Variants in WEE2 observed in about 807,000 individuals in gnomAD.
WEE2 encodes WEE2 oocyte meiosis inhibiting kinase.
In WEE2, 50 loss-of-function variants were observed where a neutral mutation model predicts 60.1. The observed-to-expected ratio is 0.83, with a 90% CI of 0.66 to 1.05. The LOEUF is 1.05. Ranked by LOEUF, WEE2 falls within the 50% of genes least tolerant of loss-of-function variation. The pLI is 0.00. For missense variants in WEE2, 631 were observed against 684.3 expected (o/e 0.92, Z 0.87); for synonymous variants, 240 against 241.0 (o/e 1.00, Z 0.04).
rs1798654870 is a variant in WEE2 at position 141,708,464 on chromosome 7, C to G, written c.-295C>G. On this transcript the variant is annotated 5_prime_UTR_variant, in exon 1 of 12. Coordinates refer to ENST00000397541, the MANE Select transcript of WEE2 (RefSeq NM_001105558.1). ...CTAGTATTTGGTAACACATGGGAGA[C>G]TATGTGTCATATCCAGAAGAGTTCT... 2 of 385,088 alleles carry G rather than the reference C, an allele frequency of 5.2e-6. No individual in the cohort carries two copies. The highest frequency in any genetic ancestry group is 4.0e-5 in the African/African-American group (2 of 49,878). The allele number at this position is 385,088 out of a possible 1,614,324, so 23.9% of individuals were successfully genotyped here. A position where few individuals can be genotyped will look rare whatever the true frequency, so the allele number is the denominator to read the frequency against.
At chr7:141,727,173 T>C (rs1245550206) in intron 9 of WEE2, 131 bp from the exon 10 acceptor site, 2 of 941,974 alleles carry the variant, frequency 2.1e-6, no homozygotes, top group African/African-American at 1.7e-5. Context: ...TTCATTTCTT[T>C]CCTCTGCACA....
Position 141,724,318 on chromosome 7 carries a change from C to T in WEE2, c.1221+43C>T. ...GGAGGGTATTTTATAATCTGTTGAA[C>T]CTTTGACTCTCAAATGGAGGATCTC... On this transcript the variant is annotated intron_variant, in intron 8 of 11. Coordinates refer to ENST00000397541, the MANE Select transcript of WEE2 (RefSeq NM_001105558.1). 4 of 1,525,922 alleles carry T rather than the reference C, an allele frequency of 2.6e-6. No individual in the cohort carries two copies. The South Asian group carries it at 3.6e-5, about 14-fold the overall frequency. The allele number at this position is 1,525,922 out of a possible 1,614,324, so 94.5% of individuals were successfully genotyped here.
chr7:141,726,508 T>C (rs923042822), intron 9 of WEE2, among the ~76,000 whole-genome samples: 1 of 152,220 alleles, frequency 6.6e-6, no homozygotes, highest in Admixed American at 6.5e-5. Flanking sequence ...TTTGCTTTCC[T>C]GAAAGGAGGC....
chr7:141,722,419 A>C (rs556896564), intron 5 of WEE2, among the ~76,000 whole-genome samples: 93 of 152,278 alleles, frequency 6.1e-4, no homozygotes, highest in African/African-American at 2.1e-3. Flanking sequence ...AAAAAGAAAA[A>C]GTGTTCAGAA....
chr7:141,724,892 G>C lies in WEE2; in HGVS notation c.1222-134G>C. 5.0e-6 allele frequency: 5 copies of C among 996,552 alleles called. No homozygotes were observed. The South Asian group carries it at 8.3e-5, about 17-fold the overall frequency. The allele number at this position is 996,552 out of a possible 1,614,324, so 61.7% of individuals were successfully genotyped here. A position where few individuals can be genotyped will look rare whatever the true frequency, so the allele number is the denominator to read the frequency against. ...TCTTCTCTAGAAATCACTAACTACA[G>C]CGAATGTATCTTTGACCGTCGTGTC... On this transcript the variant is annotated intron_variant, in intron 8 of 11. Coordinates refer to ENST00000397541, the MANE Select transcript of WEE2 (RefSeq NM_001105558.1).
intron 1 of WEE2, among the ~76,000 whole-genome samples, chr7:141,709,778 G>A (rs1798683610): frequency 6.6e-6 from 1 of 152,158 alleles, no homozygotes; most frequent in Non-Finnish European, 1.5e-5. Flanking sequence ...AGAGTCCCTA[G>A]TAGCATATTC....
At chr7:141,722,258 A>G (rs1427421608) in intron 5 of WEE2, among the ~76,000 whole-genome samples, 1 of 152,200 alleles carries the variant, frequency 6.6e-6, no homozygotes, top group Non-Finnish European at 1.5e-5. Flanking sequence ...TACAAAAATT[A>G]GCCAGGTGTG....
chr7:141,730,004 A>C (rs796628716), intron 11 of WEE2, among the ~76,000 whole-genome samples: 5 of 151,708 alleles, frequency 3.3e-5, no homozygotes, highest in African/African-American at 9.7e-5. Context: ...AAAAAAAAAA[A>C]AAAAAACTCA....
chr7:141,720,438 T>C (rs1239697118), intron 4 of WEE2, among the ~76,000 whole-genome samples: 1 of 152,224 alleles, frequency 6.6e-6, no homozygotes, highest in African/African-American at 2.4e-5. Context: ...GTATATCATA[T>C]TGGCTGAGGC....
rs796535316 is a variant in WEE2 at position 141,722,983 on chromosome 7, T to C, written c.881-151T>C. The C allele has an allele frequency of 3.2e-6, 3 of 935,138 alleles. No individual in the cohort carries two copies. In the African/African-American group the frequency reaches 5.0e-5, roughly 16 times the overall value. The allele number at this position is 935,138 out of a possible 1,614,324, so 57.9% of individuals were successfully genotyped here. ...ATGTATTGATCAGAGTACTATGCCA[T>C]TTTATACAAGGCTCTTGGGCATTTG... On this transcript the variant is annotated intron_variant, in intron 5 of 11. Transcript: ENST00000397541.
intron 10 of WEE2, 177 bp downstream of exon 10, chr7:141,727,623 G>A: frequency 1.4e-6 from 1 of 705,488 alleles, no homozygotes; most frequent in Middle Eastern, 4.3e-4. Context: ...ATCGGGCTGG[G>A]AGGCTCTGTG....
chr7:141,709,212 T>A (rs1798672813), intron 1 of WEE2, 112 bp downstream of exon 1: 1 of 731,934 alleles, frequency 1.4e-6, no homozygotes, highest in African/African-American at 1.8e-5. Context: ...AGGCTGTGTA[T>A]ATCCTCAATT....
chr7:141,713,791 T>C (rs919733885), intron 1 of WEE2, among the ~76,000 whole-genome samples: 1 of 152,208 alleles, frequency 6.6e-6, no homozygotes, highest in Non-Finnish European at 1.5e-5. Flanking sequence ...ATCTGCTACA[T>C]AGTAGGCACC....
At chr7:141,720,035 G>C (rs1798879620) in intron 4 of WEE2, among the ~76,000 whole-genome samples, 1 of 151,426 alleles carries the variant, frequency 6.6e-6, no homozygotes, top group Non-Finnish European at 1.5e-5. Context: ...TTAATCACAA[G>C]GAAAACACAT....
intron 3 of WEE2, among the ~76,000 whole-genome samples, chr7:141,716,962 T>C (rs749261555): frequency 1.3e-5 from 2 of 152,196 alleles, no homozygotes; most frequent in Non-Finnish European, 2.9e-5. Flanking sequence ...GAGATGTTTA[T>C]TGTAACAGCA....
Position 141,720,970 on chromosome 7 carries a change from T to C in WEE2, c.794T>C (p.Val265Ala), listed in dbSNP as rs766155891. The change falls in exon 5 of 12, where the codon GTG becomes GCG. Residue 265 changes from valine to alanine, a missense_variant. By Grantham distance (64) the Val-to-Ala change is moderately conservative. Transcript: ENST00000397541. ...TTGCATGAAGTTTATGCTCACGCAGTGCTTGGGCATCACCCCCATGTGGTA... is the reference window on the plus strand; with the variant it reads ...TTGCATGAAGTTTATGCTCACGCAGCGCTTGGGCATCACCCCCATGTGGTA... ...SALHEVYAHAVLGHHPHVVRY... is the reference protein window; with the variant it reads ...SALHEVYAHAALGHHPHVVRY... 5 of 1,614,124 alleles carry C rather than the reference T, an allele frequency of 3.1e-6. No homozygotes were observed. Among genetic ancestry groups the C allele is most frequent in the Admixed American group, 1.7e-5 (1 of 60,030 alleles).
chr7:141,712,911 T>C (rs750141042), intron 1 of WEE2, among the ~76,000 whole-genome samples: 3 of 152,172 alleles, frequency 2.0e-5, no homozygotes, highest in African/African-American at 4.8e-5. Context: ...CTGAGAAATA[T>C]CATTATAGTT....
intron 9 of WEE2, among the ~76,000 whole-genome samples, chr7:141,726,219 G>A (rs1799014367): frequency 6.6e-6 from 1 of 152,134 alleles, no homozygotes; most frequent in Admixed American, 6.5e-5. Context: ...GATTGGCTAG[G>A]ATTCCCAAAA....
intron 4 of WEE2, 54 bp from the exon 5 acceptor site, chr7:141,720,881 G>T: frequency 6.3e-7 from 1 of 1,579,994 alleles, no homozygotes; most frequent in Non-Finnish European, 8.6e-7. Context: ...AAACATTTTT[G>T]TGTGCATTAT....
Sources: gnomAD v4.1 joint callset for allele counts (sites outside exome capture counted in the v4.1 genomes callset) on GRCh38, gnomAD v4.1.1 for gene constraint, MANE v1.5 for transcripts, NCBI Gene and HGNC (gene_info 2026-07-23, HGNC 2026-07-21) for gene names.